The following VWCE variants were observed in gnomAD, a reference collection of about 807,000 sequenced individuals.
The protein encoded by VWCE is von Willebrand factor C and EGF domains, also known as von Willebrand factor C and EGF domain-containing protein.
A neutral mutation model predicts 102.9 loss-of-function variants in VWCE; 68 were observed. The observed-to-expected ratio is 0.66, with a 90% CI of 0.54 to 0.81. VWCE has a LOEUF of 0.81. Among genes scored for constraint, VWCE ranks in the 30% least tolerant of loss-of-function variants. VWCE has a pLI of 0.00. For missense variants in VWCE, 1,137 were observed against 1,263.6 expected, an observed-to-expected ratio of 0.90 and a Z score of 1.52; for synonymous variants, 497 against 515.4, an observed-to-expected ratio of 0.96 and a Z score of 0.48.
At position 61,267,455 on chromosome 11, in the gene VWCE, T is replaced by C; in HGVS notation, c.1965+7A>G. 1 of 1,613,826 alleles carries C rather than the reference T, an allele frequency of 6.2e-7. No individual in the cohort carries two copies. The highest frequency in any genetic ancestry group is 1.1e-5 in the South Asian group (1 of 91,048). ...AGGGGCGGGAGTCAGATCTGGGTGG[T>C]CCATACCAGGCAGATGCAGCTCAGA... On this transcript the variant is annotated splice_region_variant and intron_variant, in intron 16 of 19. Coordinates refer to ENST00000335613, the MANE Select transcript of VWCE (RefSeq NM_152718.2).
At chr11:61,286,503 G>C in intron 4 of VWCE, 73 bp from the exon 5 acceptor site, 2 of 1,443,374 alleles carry the variant, frequency 1.4e-6, no homozygotes, top group Admixed American at 1.7e-5. Context: ...CAGTGTCTGG[G>C]AAGAAAGCAC....
rs557331554 is a variant in VWCE, at chr11:61,286,191, C to T, written c.541+123G>A. On this transcript the variant is annotated intron_variant, in intron 5 of 19. Transcript: ENST00000335613. ...CCATAATAGCATCTCCCTCCGAAGC[C>T]GGTGGTGAAGGTTCAATGCAGTGGC... 29 of 950,990 alleles carry T rather than the reference C, an allele frequency of 3.0e-5. No individual in the cohort carries two copies. The African/African-American group carries it at 3.4e-4, about 11-fold the overall frequency. The allele number at this position is 950,990 out of a possible 1,614,324, so 58.9% of individuals were successfully genotyped here. A position where few individuals can be genotyped will look rare whatever the true frequency, so the allele number is the denominator to read the frequency against.
chr11:61,259,395 A>C, intron 19 of VWCE, 83 bp from the exon 20 acceptor site: 6 of 1,470,102 alleles, frequency 4.1e-6, no homozygotes, highest in Admixed American at 2.3e-5. Context: ...TACCAGGGAC[A>C]CCCAAGCTCT....
rs552323532 is a variant in VWCE, at chr11:61,273,107, G to T, written c.1699+92C>A. On this transcript the variant is annotated intron_variant, in intron 13 of 19. Transcript: ENST00000335613. ...ACACATGTACACACACACACAAACA[G>T]CACACACACCAGCAGTCTCAGCAGC... 116 of 1,276,550 alleles carry T rather than the reference G, an allele frequency of 9.1e-5. 1 individual carries two copies. The South Asian group carries it at 1.3e-3, about 15-fold the overall frequency. The allele number at this position is 1,276,550 out of a possible 1,614,324, so 79.1% of individuals were successfully genotyped here.
In VWCE at chr11:61,259,005, T is replaced by G. The variant is rs138050046; in HGVS notation, c.2538A>C (p.Pro846=). ...GEPGASPRLS[P]GPSTPPGAPT... ...GGGCTCCTGGAGGGGTCGAAGGCCC[T>G]GGTGAGAGTCGAGGGGAGGCCCCAG... Residue 846 remains proline (P), a synonymous_variant, in exon 20 of 20, where the codon CCA becomes CCC. Coordinates refer to ENST00000335613, the MANE Select transcript of VWCE (RefSeq NM_152718.2). The G allele has an allele frequency of 8.9e-4, 1,434 of 1,613,214 alleles. No homozygotes were observed. The highest frequency in any genetic ancestry group is 2.5e-3 in the Middle Eastern group (15 of 6,008).
chr11:61,281,547 G>A (rs1855135216), intron 7 of VWCE, among the ~76,000 whole-genome samples: 1 of 152,194 alleles, frequency 6.6e-6, no homozygotes, highest in African/African-American at 2.4e-5. Context: ...AAAAGAAAGC[G>A]AGGAAGAAAG....
chr11:61,271,249 G>A (rs1222283157), intron 14 of VWCE: 1 of 180,776 alleles, frequency 5.5e-6, no homozygotes, highest in Non-Finnish European at 1.2e-5. Flanking sequence ...GGGTTCAAAC[G>A]ATTCTCCTGC....
intron 12 of VWCE, chr11:61,273,956 A>C (rs560740957): frequency 6.5e-6 from 1 of 154,884 alleles, no homozygotes; most frequent in African/African-American, 2.4e-5. Flanking sequence ...GTTTCTTCTG[A>C]GAGCACTCCC....
intron 5 of VWCE, among the ~76,000 whole-genome samples, chr11:61,283,873 T>G (rs1432041389): frequency 6.6e-6 from 1 of 152,222 alleles, no homozygotes; most frequent in Non-Finnish European, 1.5e-5. Flanking sequence ...TCCCTAGTGC[T>G]GTTTGAAATT....
At chr11:61,290,768 C>T in intron 4 of VWCE, 31 bp downstream of exon 4, 1 of 1,581,142 alleles carries the variant, frequency 6.3e-7, no homozygotes, top group Non-Finnish European at 8.6e-7. Flanking sequence ...CTGTCCCCCT[C>T]CCCCTCCCCC....
At chr11:61,259,521 C>A (rs1023642933) in intron 19 of VWCE, among the ~76,000 whole-genome samples, 1 of 152,154 alleles carries the variant, frequency 6.6e-6, no homozygotes, top group African/African-American at 2.4e-5. Context: ...TGTGACCTCA[C>A]GCAAGGCATG....
At chr11:61,273,614 A>C in intron 12 of VWCE, 1 of 395,630 alleles carries the variant, frequency 2.5e-6, no homozygotes, top group Non-Finnish European at 4.6e-6. Flanking sequence ...CCTACTGCCT[A>C]AACCATTTGG....
intron 1 of VWCE, among the ~76,000 whole-genome samples, chr11:61,292,538 A>G (rs956050371): frequency 4.6e-5 from 7 of 152,172 alleles, no homozygotes; most frequent in African/African-American, 1.7e-4. Context: ...GGGCAATGGC[A>G]TAGGTGACAT....
chr11:61,288,348 G>A (rs1251960530), intron 4 of VWCE, among the ~76,000 whole-genome samples: 6 of 151,860 alleles, frequency 4.0e-5, no homozygotes, highest in African/African-American at 1.2e-4. Flanking sequence ...GAGGACCTAC[G>A]GGCTCAGCTC....
intron 8 of VWCE, 32 bp from the exon 9 acceptor site, chr11:61,280,749 C>T (rs950184956): frequency 6.2e-7 from 1 of 1,613,628 alleles, no homozygotes; most frequent in South Asian, 1.1e-5. Flanking sequence ...AGAGCCACCA[C>T]AAGGCCCCAG....
intron 16 of VWCE, among the ~76,000 whole-genome samples, 178 bp from the exon 17 acceptor site, chr11:61,265,390 C>G (rs534941781): frequency 6.6e-6 from 1 of 152,296 alleles, no homozygotes; most frequent in African/African-American, 2.4e-5. Flanking sequence ...CAACTTCCCA[C>G]TAGAATTCAA....
In VWCE at chr11:61,269,417, G is replaced by C. The variant is rs1854606462; in HGVS notation, c.1786-399C>G. ...TGCCACCAGAAGTGTCTATTTCAGA[G>C]AGCCAAAGTGCCATACAAGGTTTCT... On this transcript the variant is annotated intron_variant, in intron 14 of 19. Transcript: ENST00000335613. 3 of 171,014 alleles carry C rather than the reference G, an allele frequency of 1.8e-5. No individual in the cohort carries two copies. In the South Asian group the frequency reaches 4.8e-4, roughly 27 times the overall value. 10.6% of individuals were successfully genotyped at this position (171,014 alleles called of 1,614,324 possible).
chr11:61,271,894 ACT>A (rs1268924096), intron 13 of VWCE, 134 bp from the exon 14 acceptor site: 34 of 741,502 alleles, frequency 4.6e-5, no homozygotes, highest in Non-Finnish European at 7.5e-5. Flanking sequence ...ACTTACACAC[ACT>A]CATACAAATG....
intron 14 of VWCE, among the ~76,000 whole-genome samples, chr11:61,270,136 GTCTCAA>G (rs1379403272): frequency 5.3e-5 from 8 of 151,952 alleles, no homozygotes; most frequent in African/African-American, 1.9e-4. Context: ...AGCCAGGATG[GTCTCAA>G]TCTCCTGACC....
Sources: allele counts gnomAD v4.1 joint callset (sites outside exome capture counted in the v4.1 genomes callset), GRCh38; gene constraint gnomAD v4.1.1; transcripts MANE v1.5; gene names NCBI Gene and HGNC (gene_info 2026-07-23, HGNC 2026-07-21).